The following SNRPN variants were observed in gnomAD, a reference collection of about 807,000 sequenced individuals.
SNRPN encodes small nuclear ribonucleoprotein polypeptide N, also known as small nuclear ribonucleoprotein-associated protein N.
In SNRPN, 7 loss-of-function variants were observed where a neutral mutation model predicts 25.2. The observed-to-expected ratio is 0.28, with a 90% CI of 0.16 to 0.52. SNRPN has a LOEUF of 0.52. Ranked by LOEUF, SNRPN falls within the 20% of genes least tolerant of loss-of-function variation. The pLI, the probability that SNRPN is intolerant of heterozygous loss-of-function variation, is 0.96. For missense variants in SNRPN, 196 were observed against 322.5 expected (o/e 0.61, Z 3.00); for synonymous variants, 124 against 110.6 (o/e 1.12, Z -0.76).
intron 2 of SNRPN, among the ~76,000 whole-genome samples, chr15:24,901,451 C>G (rs1262502151): frequency 6.6e-6 from 1 of 152,158 alleles, no homozygotes; most frequent in Non-Finnish European, 1.5e-5. Context: ...ACCTAGCTTT[C>G]AACCCTAAGT....
intron 2 of SNRPN, among the ~76,000 whole-genome samples, chr15:24,833,814 T>G (rs2050763508): frequency 6.6e-6 from 1 of 152,092 alleles, no homozygotes; most frequent in Non-Finnish European, 1.5e-5. Context: ...GGAGCTGACC[T>G]CAAAAGAACA....
intron 1 of SNRPN, among the ~76,000 whole-genome samples, chr15:24,956,694 C>T (rs2062972028): frequency 6.6e-6 from 1 of 152,138 alleles, no homozygotes; most frequent in Non-Finnish European, 1.5e-5. Flanking sequence ...GGTTGTGGCG[C>T]AGTAGAGGGG....
intron 1 of SNRPN, among the ~76,000 whole-genome samples, chr15:24,872,589 TA>T (rs2055268558): frequency 9.2e-6 from 1 of 108,630 alleles, no homozygotes. Context: ...CTACTAACAA[TA>T]AAAAAATTAG....
intron 2 of SNRPN, chr15:24,908,849 CTT>C (rs1281234363): frequency 6.7e-6 from 4 of 594,118 alleles, no homozygotes; most frequent in Non-Finnish European, 1.1e-5. Context: ...GCTTTTTAAT[CTT>C]TTTTTCTTTT....
intron 2 of SNRPN, chr15:24,851,300 A>C (rs986008493): frequency 6.6e-6 from 1 of 152,208 alleles, no homozygotes; most frequent in Non-Finnish European, 1.5e-5. Context: ...ACTGTAACCC[A>C]AATCTCAAAT....
At position 24,835,745 on chromosome 15, in the gene SNRPN, C is replaced by A. The variant is rs61994705; in HGVS notation, c.-579+5840C>A. Among the ~76,000 whole-genome samples the A allele has an allele frequency of 3.3e-5, 5 of 151,910 alleles. 1 individual carries two copies. Among genetic ancestry groups the A allele is most frequent in the Admixed American group, 1.3e-4 (2 of 15,268 alleles). Reference sequence around the variant, plus strand: ...AAACGTACCATGGGGAAGAAAGGTCCAGAACCTATGCGCGGAGTATGTTAC... The same window carrying A: ...AAACGTACCATGGGGAAGAAAGGTCAAGAACCTATGCGCGGAGTATGTTAC... On this transcript the variant is annotated intron_variant, in intron 2 of 12. Transcript: ENST00000400100.
intron 2 of SNRPN, among the ~76,000 whole-genome samples, chr15:24,906,750 T>G (rs2058831093): frequency 6.6e-6 from 1 of 152,168 alleles, no homozygotes; most frequent in African/African-American, 2.4e-5. Context: ...AAGTGCCTAT[T>G]ATCAGAGGTC....
chr15:24,896,324 C>G (rs1595763404), intron 2 of SNRPN, among the ~76,000 whole-genome samples: 1 of 152,088 alleles, frequency 6.6e-6, no homozygotes, highest in African/African-American at 2.4e-5. Flanking sequence ...TAGCATGTGG[C>G]AAAGGATATC....
At chr15:24,892,842 G>A (rs984886405) in intron 2 of SNRPN, among the ~76,000 whole-genome samples, 2 of 152,094 alleles carry the variant, frequency 1.3e-5, no homozygotes, top group Non-Finnish European at 2.9e-5. Context: ...TTCAAGAAAA[G>A]GCTTTTTGTC....
chr15:24,971,292 G>A lies in SNRPN; in HGVS notation c.-143-3019G>A, dbSNP rs547528274. Among the ~76,000 whole-genome samples the A allele has an allele frequency of 8.5e-5, 13 of 152,114 alleles. No individual in the cohort carries two copies. The South Asian group carries it at 1.0e-3, about 12-fold the overall frequency. On this transcript the variant is annotated intron_variant, in intron 3 of 9. Coordinates refer to ENST00000390687, the MANE Select transcript of SNRPN (RefSeq NM_003097.6). ...GCAGTGTGATGTTGCTACTCTCGTC[G>A]CCTTTCTCATGAAGTTTTGTTTTCT...
chr15:24,911,574 G>A (rs2059219848), intron 2 of SNRPN, among the ~76,000 whole-genome samples: 1 of 152,184 alleles, frequency 6.6e-6, no homozygotes, highest in South Asian at 2.1e-4. Flanking sequence ...GTACAGCTCA[G>A]ATCACTCCTC....
intron 3 of SNRPN, among the ~76,000 whole-genome samples, chr15:24,937,459 A>C (rs1007333942): frequency 9.9e-5 from 15 of 152,096 alleles, no homozygotes; most frequent in Admixed American, 7.2e-4. Flanking sequence ...GCTTGAGCCT[A>C]AGAGTTCAAG....
At chr15:24,890,004 C>T (rs185363498) in intron 2 of SNRPN, among the ~76,000 whole-genome samples, 3 of 146,862 alleles carry the variant, frequency 2.0e-5, no homozygotes, top group East Asian at 4.1e-4. Context: ...GAGCTGAGAT[C>T]GCACCTCTGC....
intron 3 of SNRPN, among the ~76,000 whole-genome samples, chr15:24,941,447 G>T (rs2153049930): frequency 6.6e-6 from 1 of 152,318 alleles, no homozygotes; most frequent in East Asian, 1.9e-4. Context: ...TCCTCAGCAA[G>T]CACCACGGCT....
At chr15:24,962,321 A>G in intron 2 of SNRPN, 112 bp downstream of exon 2, 2 of 820,362 alleles carry the variant, frequency 2.4e-6, no homozygotes. Flanking sequence ...AAGCAGACAC[A>G]TCTAATACAG....
chr15:24,887,266 G>C (rs1345448932), intron 2 of SNRPN, among the ~76,000 whole-genome samples: 1 of 151,408 alleles, frequency 6.6e-6, no homozygotes, highest in Non-Finnish European at 1.5e-5. Flanking sequence ...TCCTGCCTCA[G>C]GCTCCCATGT....
intron 2 of SNRPN, among the ~76,000 whole-genome samples, chr15:24,898,511 C>T (rs939320700): frequency 2.0e-5 from 3 of 152,014 alleles, no homozygotes; most frequent in Admixed American, 6.6e-5. Flanking sequence ...TCACTTGAAC[C>T]CGGGAGGCAG....
At position 24,889,645 on chromosome 15, in the gene SNRPN, T is replaced by C. The variant is rs191431498; in HGVS notation, c.-505+3056T>C. On this transcript the variant is annotated intron_variant, in intron 2 of 11. Transcript: ENST00000400097. ...AAGAGAGGTGAACCAGGGATGGGAT[T>C]GTGGATCAATCATGCAAAGACCGAC... Among the ~76,000 whole-genome samples the C allele has an allele frequency of 1.4e-4, 22 of 152,114 alleles. No homozygotes were observed. The East Asian group carries it at 4.3e-3, about 30-fold the overall frequency.
intron 3 of SNRPN, among the ~76,000 whole-genome samples, chr15:24,924,564 A>G (rs1434548463): frequency 6.6e-6 from 1 of 152,084 alleles, no homozygotes; most frequent in Non-Finnish European, 1.5e-5. Flanking sequence ...CAGCACACCA[A>G]AGCATCATAT....
Sources: gnomAD v4.1 joint callset for allele counts (sites outside exome capture counted in the v4.1 genomes callset) on GRCh38, gnomAD v4.1.1 for gene constraint, MANE v1.5 for transcripts, NCBI Gene and HGNC (gene_info 2026-07-23, HGNC 2026-07-21) for gene names.